LMF1: variants seen among roughly 807,000 people sequenced by gnomAD.
The protein encoded by LMF1 is transmembrane protein 112.
LMF1 carries 68 observed loss-of-function variants against 60.6 expected under a neutral mutation model. The ratio of observed to expected loss-of-function variants is 1.12; its 90% confidence interval spans 0.92 to 1.37. The LOEUF (loss-of-function observed/expected upper bound fraction) is 1.37, where lower values mean the gene tolerates loss of function less well. Among genes scored for constraint, LMF1 ranks in the 40% most tolerant of loss-of-function variants. The pLI is 0.00. For synonymous variants in LMF1, 418 were observed against 324.7 expected, an observed-to-expected ratio of 1.29 and a Z score of -3.09; for missense variants, 948 against 767.2, an observed-to-expected ratio of 1.24 and a Z score of -2.78.
intron 10 of LMF1, among the ~76,000 whole-genome samples, chr16:857,120 C>A (rs963626676): frequency 6.6e-6 from 1 of 152,250 alleles, no homozygotes; most frequent in South Asian, 2.1e-4. Context: ...CGTCGCTGAC[C>A]GGCGTCTGCG....
chr16:928,901 T>G (rs546762120), intron 3 of LMF1, among the ~76,000 whole-genome samples: 1 of 152,164 alleles, frequency 6.6e-6, no homozygotes, highest in South Asian at 2.1e-4. Context: ...CCTAAAACAC[T>G]CCAAAGGCCT....
intron 4 of LMF1, among the ~76,000 whole-genome samples, chr16:906,959 G>C (rs907528797): frequency 6.6e-6 from 1 of 152,210 alleles, no homozygotes; most frequent in African/African-American, 2.4e-5. Flanking sequence ...ATTTACTGAA[G>C]TGTTCCTTAC....
At chr16:881,862 C>A (rs1330327260) in intron 5 of LMF1, among the ~76,000 whole-genome samples, 1 of 152,228 alleles carries the variant, frequency 6.6e-6, no homozygotes, top group African/African-American at 2.4e-5. Context: ...TTTAACCTCT[C>A]CTTCCCTCTT....
At position 970,841 on chromosome 16, in the gene LMF1, C is replaced by G; in HGVS notation, c.140G>C (p.Gly47Ala). 6.4e-7 allele frequency: 1 copy of G among 1,552,786 alleles called. No homozygotes were observed. Among genetic ancestry groups the G allele is most frequent in the African/African-American group, 1.4e-5 (1 of 72,218 alleles). The change falls in exon 1 of 11, where the codon GGC (glycine) becomes GCC (alanine). Residue 47 changes from glycine to alanine, a missense_variant. Coordinates refer to ENST00000262301, the MANE Select transcript of LMF1 (RefSeq NM_022773.4). ...CACGATCCGGGTCAGCCAGAAGGTG[C>G]CCGTGTGGAGATGGGCCGGAGAGCC... ...PAGSPAHLHTGTFWLTRIVLL... is the reference protein window; with the variant it reads ...PAGSPAHLHTATFWLTRIVLL...
intron 2 of LMF1, among the ~76,000 whole-genome samples, chr16:942,550 T>C (rs1161649468): frequency 6.6e-6 from 1 of 151,762 alleles, no homozygotes; most frequent in Non-Finnish European, 1.5e-5. Context: ...CTCTGTGTCC[T>C]CTCTCTGTGG....
chr16:878,403 G>T lies in LMF1; in HGVS notation c.897+1167C>A, dbSNP rs529972481. On this transcript the variant is annotated intron_variant, in intron 6 of 10. Coordinates refer to ENST00000262301, the MANE Select transcript of LMF1 (RefSeq NM_022773.4). This position sits in a 1 kb window ranked among gnomAD's most constrained non-coding sequence, Gnocchi z 5.2. ...GCGGCCAGAGTGAGGGTCCTTGCTG[G>T]GGGGAGGGGTCAAGAACAGCACAGC... is the stretch of plus-strand genomic sequence containing the variant. Among the ~76,000 whole-genome samples the T allele has an allele frequency of 2.6e-5, 4 of 152,150 alleles. No individual in the cohort carries two copies. The highest frequency in any genetic ancestry group is 2.1e-4 in the South Asian group (1 of 4,820).
chr16:970,682 G>C (rs1195549440), intron 1 of LMF1, 106 bp downstream of exon 1: 3 of 1,061,498 alleles, frequency 2.8e-6, no homozygotes, highest in East Asian at 6.3e-5. Context: ...GGGCTGCGTG[G>C]GGGCGCCGCG....
chr16:957,844 G>A (rs1366956740), intron 1 of LMF1, among the ~76,000 whole-genome samples: 1 of 152,098 alleles, frequency 6.6e-6, no homozygotes, highest in Non-Finnish European at 1.5e-5. Context: ...CAACTACACA[G>A]ACAAAGAGCA....
chr16:881,567 T>G (rs1315849629), intron 5 of LMF1: 1 of 152,274 alleles, frequency 6.6e-6, no homozygotes, highest in Non-Finnish European at 1.5e-5. Flanking sequence ...GACACCTGTT[T>G]AGGGACTTAG....
chr16:926,214 C>T (rs371116148), intron 3 of LMF1, among the ~76,000 whole-genome samples: 38 of 150,864 alleles, frequency 2.5e-4, no homozygotes, highest in Non-Finnish European at 4.0e-4. Context: ...GGTCTGTGTG[C>T]GCGTGTGCAC....
At chr16:945,126 G>A (rs547622099) in intron 2 of LMF1, among the ~76,000 whole-genome samples, 100 of 147,444 alleles carry the variant, frequency 6.8e-4, no homozygotes, top group Admixed American at 3.7e-3. Flanking sequence ...TGGGAGAATC[G>A]CTTCAACCCA....
rs114751359 is a variant in LMF1, at chr16:912,155, G to A, written c.515-1076C>T. ...CTGCCCAGCATGACAACGATCACAT[G>A]ACTCACACCACCACAGTGTCTATGC... On this transcript the variant is annotated intron_variant, in intron 3 of 10. Coordinates refer to ENST00000262301, the MANE Select transcript of LMF1 (RefSeq NM_022773.4). Among the ~76,000 whole-genome samples, 322 of 152,306 alleles carry A rather than the reference G, an allele frequency of 2.1e-3. 1 individual carries two copies. The highest frequency in any genetic ancestry group is 7.3e-3 in the African/African-American group (303 of 41,576).
At chr16:973,238 G>A (rs184145436), upstream of LMF1, among the ~76,000 whole-genome samples, 1,745 of 152,246 alleles carry the variant, frequency 0.011, 26 homozygotes, top group South Asian at 0.098. Flanking sequence ...CCAGCTACTC[G>A]GGAGACTGTG....
chr16:912,246 C>T (rs140525944), intron 3 of LMF1, among the ~76,000 whole-genome samples: 1 of 152,188 alleles, frequency 6.6e-6, no homozygotes, highest in Non-Finnish European at 1.5e-5. Context: ...AGCATCTACA[C>T]ACCACAGAGC....
At chr16:896,518 G>A (rs2070665527) in intron 4 of LMF1, among the ~76,000 whole-genome samples, 1 of 152,198 alleles carries the variant, frequency 6.6e-6, no homozygotes, top group Non-Finnish European at 1.5e-5. Flanking sequence ...AAAAGCACCG[G>A]AGACTGTTTC....
chr16:863,787 G>C (rs758392789), intron 10 of LMF1, among the ~76,000 whole-genome samples: 1 of 152,112 alleles, frequency 6.6e-6, no homozygotes, highest in African/African-American at 2.4e-5. Flanking sequence ...GTGCTTCCAC[G>C]GCATCCAGCT....
chr16:869,584 A>G (rs990501254), intron 9 of LMF1: 2 of 626,218 alleles, frequency 3.2e-6, no homozygotes, highest in African/African-American at 3.6e-5. Context: ...GCTGCTGGCT[A>G]ACTTTTGTAT....
At chr16:933,402 G>A (rs2071848953) in intron 3 of LMF1, 1 of 152,940 alleles carries the variant, frequency 6.5e-6, no homozygotes, top group Admixed American at 6.5e-5. Context: ...AAAGAATGAA[G>A]AAAGTGACCT....
At chr16:954,279 A>T (rs1414935177) in intron 2 of LMF1, 78 bp downstream of exon 2, 2 of 1,389,784 alleles carry the variant, frequency 1.4e-6, no homozygotes, top group Non-Finnish European at 2.0e-6. Flanking sequence ...CAGTCTTTCC[A>T]AGTGCCAGGA....
Sources: allele counts gnomAD v4.1 joint callset (sites outside exome capture counted in the v4.1 genomes callset), GRCh38; gene constraint gnomAD v4.1.1; non-coding constraint Gnocchi (gnomAD v3.1); transcripts MANE v1.5; gene names NCBI Gene and HGNC (gene_info 2026-07-23, HGNC 2026-07-21).